Variants in SLC8A1 observed in about 807,000 individuals in gnomAD.
The protein encoded by SLC8A1 is sodium/calcium exchanger 1.
SLC8A1 carries 18 observed loss-of-function variants against 68.3 expected under a neutral mutation model. The observed-to-expected ratio is 0.26, with a 90% CI of 0.18 to 0.39. SLC8A1 has a LOEUF of 0.39. Ranked by LOEUF, SLC8A1 falls within the 10% of genes least tolerant of loss-of-function variation. The pLI, the probability that SLC8A1 is intolerant of heterozygous loss-of-function variation, is 1.00. For missense variants in SLC8A1, 985 were observed against 1,156.7 expected (o/e 0.85, Z 2.15); for synonymous variants, 475 against 415.5 (o/e 1.14, Z -1.74).
At chr2:40,226,305 G>C (rs755347967) in intron 2 of SLC8A1, among the ~76,000 whole-genome samples, 1 of 152,176 alleles carries the variant, frequency 6.6e-6, no homozygotes. Flanking sequence ...AGGCTCAAGA[G>C]AGGCTGGAGG....
chr2:40,275,821 C>A (rs1350183444), intron 2 of SLC8A1, among the ~76,000 whole-genome samples: 1 of 152,178 alleles, frequency 6.6e-6, no homozygotes, highest in Non-Finnish European at 1.5e-5. Context: ...GAATGCTCTG[C>A]TGGAGGTCAG....
intron 2 of SLC8A1, among the ~76,000 whole-genome samples, chr2:40,232,731 C>G: frequency 1.2e-5 from 1 of 83,272 alleles, no homozygotes; most frequent in African/African-American, 3.7e-5. Context: ...GGTATATCTC[C>G]CAGTGCTATC....
chr2:40,203,861 C>T (rs1394034694), intron 2 of SLC8A1, among the ~76,000 whole-genome samples: 1 of 151,856 alleles, frequency 6.6e-6, no homozygotes, highest in East Asian at 1.9e-4. Flanking sequence ...TGAACTACCA[C>T]ACCTGGCTAA....
At chr2:40,135,349 A>G (rs1268586536) in intron 7 of SLC8A1, among the ~76,000 whole-genome samples, 1 of 152,188 alleles carries the variant, frequency 6.6e-6, no homozygotes, top group Non-Finnish European at 1.5e-5. Context: ...GAGAGAGGAC[A>G]GCTGTGTAGA....
chr2:40,346,540 C>T (rs957185521), intron 2 of SLC8A1, among the ~76,000 whole-genome samples: 3 of 152,096 alleles, frequency 2.0e-5, no homozygotes, highest in Admixed American at 2.0e-4. Context: ...TTTTGACCCT[C>T]TCTGGGAAGA....
rs565060338 is a variant in SLC8A1 at position 40,139,617 on chromosome 2, C to A, written c.2221G>T (p.Val741Leu). ...CAGAACACAGTCAGAAAGTGCATCA[C>A]GTAATCGAAACAGGAGGGCAGCTTC... Residue 741 changes from valine to leucine, a missense_variant, in exon 7 of 8, where the codon GTG becomes TTG. By Grantham distance (32) the Val-to-Leu change is conservative (BLOSUM62 1). This residue lies in a region of SLC8A1 where 144 missense variants were observed against 260.4 expected (regional missense o/e 0.55). Coordinates refer to ENST00000406785, the Ensembl canonical transcript of SLC8A1. The A allele has an allele frequency of 4.3e-6, 7 of 1,613,994 alleles. No homozygotes were observed. The highest frequency in any genetic ancestry group is 5.9e-6 in the Non-Finnish European group (7 of 1,180,012).
chr2:40,228,511 C>T (rs2059263234), intron 2 of SLC8A1, among the ~76,000 whole-genome samples: 1 of 152,170 alleles, frequency 6.6e-6, no homozygotes, highest in South Asian at 2.1e-4. Context: ...ACGGCTGCAG[C>T]CAAAATCCCA....
intron 1 of SLC8A1, among the ~76,000 whole-genome samples, chr2:40,492,665 C>T (rs1228587230): frequency 6.7e-6 from 1 of 148,500 alleles, no homozygotes. Context: ...ACAAACAACC[C>T]AATCAAAAAG....
chr2:40,398,387 G>A (rs1559520720), intron 2 of SLC8A1, among the ~76,000 whole-genome samples: 1 of 152,038 alleles, frequency 6.6e-6, no homozygotes, highest in Admixed American at 6.6e-5. Context: ...TCTTGTTCCT[G>A]GTTATTGGTG....
intron 1 of SLC8A1, among the ~76,000 whole-genome samples, chr2:40,439,425 T>C (rs905740529): frequency 1.3e-5 from 2 of 152,126 alleles, no homozygotes; most frequent in Non-Finnish European, 2.9e-5. Flanking sequence ...ACAAGTTCTT[T>C]AGGGGGCAGC....
chr2:40,463,411 C>T (rs1703458048), intron 1 of SLC8A1, among the ~76,000 whole-genome samples: 1 of 152,134 alleles, frequency 6.6e-6, no homozygotes, highest in African/African-American at 2.4e-5. Flanking sequence ...TTTTGTTTTT[C>T]CTAAGATCAA....
chr2:40,259,797 G>C (rs994696525), intron 2 of SLC8A1, among the ~76,000 whole-genome samples: 5 of 152,138 alleles, frequency 3.3e-5, no homozygotes, highest in Admixed American at 6.5e-5. Flanking sequence ...CTTTGGCAAA[G>C]AGTTTGGGCT....
At chr2:40,104,082 C>T (rs2034057012) in exon 8 of SLC8A1, 3 of 152,172 alleles carry the variant, frequency 2.0e-5, no homozygotes, top group Admixed American at 2.0e-4. Flanking sequence ...GATTCCTTTT[C>T]CAAAGAGAAA....
At chr2:40,107,472 G>C (rs10189527) in exon 8 of SLC8A1, 1 of 151,932 alleles carries the variant, frequency 6.6e-6, no homozygotes, top group African/African-American at 2.4e-5. Flanking sequence ...TTAAAAGTCA[G>C]AAAGAAACTC....
intron 2 of SLC8A1, among the ~76,000 whole-genome samples, chr2:40,264,967 C>T (rs1406514909): frequency 6.6e-6 from 1 of 152,142 alleles, no homozygotes; most frequent in Non-Finnish European, 1.5e-5. Context: ...TTTATGAGCA[C>T]AGGGGAAGAT....
intron 2 of SLC8A1, among the ~76,000 whole-genome samples, chr2:40,392,554 G>A (rs955514771): frequency 6.6e-6 from 1 of 152,040 alleles, no homozygotes; most frequent in Non-Finnish European, 1.5e-5. Context: ...TAACAGGCTG[G>A]TATCAATTGT....
intron 2 of SLC8A1, among the ~76,000 whole-genome samples, chr2:40,416,189 CA>C (rs1222099315): frequency 6.6e-6 from 1 of 151,802 alleles, no homozygotes; most frequent in African/African-American, 2.4e-5. Flanking sequence ...CTCTTTTACT[CA>C]CAAAAGTGCT....
chr2:40,225,381 AGTGGGTACCCAT>A (rs1197203570), intron 2 of SLC8A1, among the ~76,000 whole-genome samples: 1 of 152,174 alleles, frequency 6.6e-6, no homozygotes, highest in Non-Finnish European at 1.5e-5. Context: ...TTTGGCACAC[AGTGGGTACCCAT>A]CTATGTGCTA....
chr2:40,109,439 G>A (rs1036221252), exon 8 of SLC8A1: 9 of 152,112 alleles, frequency 5.9e-5, no homozygotes, highest in African/African-American at 2.2e-4. Context: ...GATTCAAGAG[G>A]TATAAAATAA....
Sources: allele counts gnomAD v4.1 joint callset (sites outside exome capture counted in the v4.1 genomes callset), GRCh38; gene constraint gnomAD v4.1.1; regional missense constraint gnomAD v4.1.1; transcripts MANE v1.5; gene names NCBI Gene and HGNC (gene_info 2026-07-23, HGNC 2026-07-21).